Variants in ITGA10 observed in about 807,000 individuals in gnomAD.
ITGA10 encodes the protein integrin alpha-10.
In ITGA10, 105 loss-of-function variants were observed where a neutral mutation model predicts 145.2. The ratio of observed to expected loss-of-function variants is 0.72; its 90% CI spans 0.62 to 0.85. The LOEUF (loss-of-function observed/expected upper bound fraction) is 0.85. Among genes scored for constraint, ITGA10 ranks in the 40% least tolerant of loss-of-function variants. The pLI is 0.00. For missense variants in ITGA10, 1,317 were observed against 1,444.5 expected (o/e 0.91, Z 1.43); for synonymous variants, 506 against 557.8 (o/e 0.91, Z 1.31).
chr1:145,906,096 A>AC, intron 5 of ITGA10: 1 of 256,400 alleles, frequency 3.9e-6, no homozygotes, highest in Non-Finnish European at 7.5e-6. Flanking sequence ...TAATTTTTGT[A>AC]TTTTTTTTTT....
chr1:145,909,667 ATAT>A (rs1452753181), intron 1 of ITGA10, among the ~76,000 whole-genome samples: 3 of 132,424 alleles, frequency 2.3e-5, no homozygotes, highest in East Asian at 2.0e-4. Flanking sequence ...TAATTGTTAT[ATAT>A]TATATGTATA....
In ITGA10 at chr1:145,901,217, T is replaced by A. The variant is rs782092801; in HGVS notation, c.1505A>T (p.Asp502Val). The A allele has an allele frequency of 6.2e-7, 1 of 1,613,964 alleles. No homozygotes were observed. The highest frequency in any genetic ancestry group is 1.1e-5 in the South Asian group (1 of 91,068). ...CATGGGGGCAGCCACAAGTAAGACA[T>A]CAGTTGTTCCATCCCTATCTGTATC... The part of the protein sequence containing the change: ...PLDTDRDGTT[D>V]VLLVAAPMFL... Residue 502 changes from aspartate to valine, a missense_variant, in exon 13 of 30, where the codon GAT becomes GTT. Asp to Val is a radical substitution (Grantham distance 152). Transcript: ENST00000369304. The surrounding 1 kb of genome is among the most constrained non-coding windows in gnomAD (Gnocchi z 4.3).
chr1:145,902,792 A>G lies in ITGA10; in HGVS notation c.909+19T>C, dbSNP rs782085906. 1 of 1,597,970 alleles carries G rather than the reference A, an allele frequency of 6.3e-7. No homozygotes were observed. The highest frequency in any genetic ancestry group is 1.3e-5 in the African/African-American group (1 of 74,598). ...CCCTGCCACTCCCCAACTCTTCCAG[A>G]TCCAGGGTGAATTCTCACTGCAATC... is the stretch of plus-strand genomic sequence containing the variant. On this transcript the variant is annotated intron_variant, in intron 8 of 29. Coordinates refer to ENST00000369304, the MANE Select transcript of ITGA10 (RefSeq NM_003637.5).
At position 145,899,313 on chromosome 1, in the gene ITGA10, A is replaced by G. The variant is rs1553746976; in HGVS notation, c.1951T>C (p.Ser651Pro). The G allele has an allele frequency of 5.0e-6, 8 of 1,613,992 alleles. No individual in the cohort carries two copies. Among genetic ancestry groups the G allele is most frequent in the Non-Finnish European group, 6.8e-6 (8 of 1,180,006 alleles). The part of the protein sequence containing the change: ...SSRPIVHLTP[S>P]LEVTPQAISV... ...ATGGCCTGTGGGGTCACCTCCAGTG[A>G]TGGGGTCAGATGGACAATGGGCCGG... The change falls in exon 16 of 30, where the codon TCA becomes CCA. Residue 651 changes from serine to proline, a missense_variant. Physicochemically the swap from Ser to Pro is moderately conservative, Grantham distance 74 (BLOSUM62 -1). Coordinates refer to ENST00000369304, the MANE Select transcript of ITGA10 (RefSeq NM_003637.5).
At chr1:145,896,703 A>AGG in intron 23 of ITGA10, 66 bp downstream of exon 23, 2 of 1,305,604 alleles carry the variant, frequency 1.5e-6, no homozygotes, top group Non-Finnish European at 2.2e-6. Context: ...ATGGAAGGGG[A>AGG]GGGAAGCAGC....
chr1:145,907,166 G>A lies in ITGA10; in HGVS notation c.165-16C>T. The stretch of plus-strand genomic sequence containing the variant: ...CACCAGCATCCTGGGAAGAGGATGT[G>A]AATGTAAGTAAGCACAGGGCAAACA... On this transcript the variant is annotated splice_polypyrimidine_tract_variant and intron_variant, in intron 2 of 29. Coordinates refer to ENST00000369304, the MANE Select transcript of ITGA10 (RefSeq NM_003637.5). 1 of 1,558,774 alleles carries A rather than the reference G, an allele frequency of 6.4e-7. No homozygotes were observed. Among genetic ancestry groups the A allele is most frequent in the South Asian group, 1.2e-5 (1 of 84,702 alleles).
intron 29 of ITGA10, 122 bp downstream of exon 29, chr1:145,893,039 C>A (rs1182722749): frequency 6.6e-6 from 6 of 902,688 alleles, no homozygotes; most frequent in South Asian, 2.8e-5. Flanking sequence ...TGAAGGAGAT[C>A]TGGGCATGAC....
chr1:145,907,659 G>A, intron 1 of ITGA10, 194 bp from the exon 2 acceptor site: 1 of 954,186 alleles, frequency 1.0e-6, no homozygotes, highest in Non-Finnish European at 1.2e-6. Flanking sequence ...TTTGTGTCCA[G>A]ATGCCTAAAC....
At chr1:145,902,418 C>A (rs781822568) in intron 9 of ITGA10, 36 bp downstream of exon 9, 1 of 1,610,218 alleles carries the variant, frequency 6.2e-7, no homozygotes, top group South Asian at 1.1e-5. Flanking sequence ...TCCAGAACTT[C>A]TCCCGCCCTG....
rs997930401 is a variant in ITGA10, at chr1:145,901,420, C to T, written c.1443+96G>A. 25 of 1,480,872 alleles carry T rather than the reference C, an allele frequency of 1.7e-5. No individual in the cohort carries two copies. In the African/African-American group the frequency reaches 2.9e-4, roughly 17 times the overall value. The allele number at this position is 1,480,872 out of a possible 1,614,324, so 91.7% of individuals were successfully genotyped here. On this transcript the variant is annotated intron_variant, in intron 12 of 29. Transcript: ENST00000369304. The surrounding 1 kb of genome is among the most constrained non-coding windows in gnomAD (Gnocchi z 4.3). ...TCTGCCAACCAGAATTCCGCACAGA[C>T]TTTGGAGGCCTCTCTCTTACCCACT...
At chr1:145,892,945 T>A in intron 29 of ITGA10, 82 bp from the exon 30 acceptor site, 1 of 1,099,642 alleles carries the variant, frequency 9.1e-7, no homozygotes, top group Admixed American at 2.0e-5. Flanking sequence ...TCTGAGGTCT[T>A]CACTTTTGTT....
rs2101788366 is a variant in ITGA10 at position 145,900,122 on chromosome 1, T to C, written c.1857A>G (p.Leu619=). 6.2e-7 allele frequency: 1 copy of C among 1,613,976 alleles called. No homozygotes were observed. Among genetic ancestry groups the C allele is most frequent in the East Asian group, 2.2e-5 (1 of 44,860 alleles). Residue 619 remains leucine (L), a synonymous_variant, in exon 15 of 30, where the codon CTA becomes CTG. Coordinates refer to ENST00000369304, the MANE Select transcript of ITGA10 (RefSeq NM_003637.5). ...CGACCAGATCATCTCCATCCAGATC[T>C]AGCCGACCATCCACACTTCGGCCAA... The part of the protein sequence containing the change: ...SYFGRSVDGR[L]DLDGDDLVDV...
At chr1:145,898,284 C>A in intron 17 of ITGA10, 61 bp from the exon 18 acceptor site, 1 of 1,068,722 alleles carries the variant, frequency 9.4e-7, no homozygotes, top group Non-Finnish European at 1.5e-6. Flanking sequence ...TTGTAGTGAT[C>A]ATTTATGAAG....
intron 14 of ITGA10, among the ~76,000 whole-genome samples, chr1:145,900,558 C>T (rs904379986): frequency 3.9e-5 from 6 of 152,076 alleles, no homozygotes; most frequent in African/African-American, 7.2e-5. Context: ...CCACCACACC[C>T]GGCCATGCCT....
rs1654870973 is a variant in ITGA10 at position 145,892,697 on chromosome 1, AGAGGC to A, written c.*96_*100del. On this transcript the variant is annotated 3_prime_UTR_variant, in exon 30 of 30. Transcript: ENST00000369304. ...GGCTGCTGGTCTGGGGAGATAGTCC[AGAGGC>A]GGCTTCTTGTCCCATCTGAGCCCCC... The A allele has an allele frequency of 1.2e-6, 1 of 849,980 alleles. No homozygotes were observed. The highest frequency in any genetic ancestry group is 2.0e-6 in the Non-Finnish European group (1 of 506,056). 52.7% of individuals were successfully genotyped at this position (849,980 alleles called of 1,614,324 possible).
Position 145,896,017 on chromosome 1 carries a change from T to C in ITGA10, c.2999A>G (p.Tyr1000Cys). ...LLPAVAHGGN[Y>C]FLSLSQVITN... ...GATGACTTGAGACAGTGATAGGAAG[T>C]AATTGCCCCCATGGGCCACAGCTGG... The change falls in exon 25 of 30, where the codon TAC becomes TGC. Residue 1000 changes from tyrosine to cysteine, a missense_variant. By Grantham distance (194) the Tyr-to-Cys change is radical (BLOSUM62 -2). Transcript: ENST00000369304. The C allele has an allele frequency of 6.2e-7, 1 of 1,613,814 alleles. No individual in the cohort carries two copies. Among genetic ancestry groups the C allele is most frequent in the Non-Finnish European group, 8.5e-7 (1 of 1,179,812 alleles).
At position 145,900,204 on chromosome 1, in the gene ITGA10, G is replaced by C. The variant is rs144043194; in HGVS notation, c.1792-17C>G. On this transcript the variant is annotated splice_polypyrimidine_tract_variant and intron_variant, in intron 14 of 29. Transcript: ENST00000369304. ...AGCAATCCTCTGAGAGGAAGAGAGA[G>C]AATACTGAGGCAGGGACCCATACAC... 1.3e-4 allele frequency: 203 copies of C among 1,605,512 alleles called. 1 individual carries two copies. In the East Asian group the frequency reaches 3.1e-3, roughly 25 times the overall value.
chr1:145,909,943 A>G lies in ITGA10; in HGVS notation c.52+20T>C, dbSNP rs1450441419. 2.5e-6 allele frequency: 4 copies of G among 1,608,288 alleles called. No homozygotes were observed. In the African/African-American group the frequency reaches 5.3e-5, roughly 22 times the overall value. On this transcript the variant is annotated intron_variant, in intron 1 of 29. Coordinates refer to ENST00000369304, the MANE Select transcript of ITGA10 (RefSeq NM_003637.5). ...GTATCTTCCATCCCCACCAGAAACCAAGAAGTTAACTTCCCTCACCTGTCA... is the reference window on the plus strand; with the variant it reads ...GTATCTTCCATCCCCACCAGAAACCGAGAAGTTAACTTCCCTCACCTGTCA...
rs1188056926 is a variant in ITGA10, at chr1:145,901,783, G to A, written c.1294+94C>T. ...AGTAACCAGAGGTCAGTGAGAAACC[G>A]CATGAGTTAAGAGGGAGTATTTCAT... On this transcript the variant is annotated intron_variant, in intron 11 of 29. Transcript: ENST00000369304. The surrounding 1 kb of genome is among the most constrained non-coding windows in gnomAD (Gnocchi z 4.3). 1.5e-5 allele frequency: 24 copies of A among 1,561,746 alleles called. No individual in the cohort carries two copies. The highest frequency in any genetic ancestry group is 1.4e-4 in the South Asian group (12 of 84,062).
Sources: gnomAD v4.1 joint callset for allele counts (sites outside exome capture counted in the v4.1 genomes callset) on GRCh38, gnomAD v4.1.1 for gene constraint, Gnocchi (gnomAD v3.1) non-coding constraint, MANE v1.5 for transcripts, NCBI Gene and HGNC (gene_info 2026-07-23, HGNC 2026-07-21) for gene names.